The following PRDM15 variants were observed in gnomAD, a reference collection of about 807,000 sequenced individuals.
The protein encoded by PRDM15 is PR/SET domain 15, also known as PR domain zinc finger protein 15.
Under a neutral mutation model 128.6 loss-of-function variants are expected in PRDM15, and 64 were observed. The ratio of observed to expected loss-of-function variants is 0.50; its 90% CI spans 0.41 to 0.61. The LOEUF (loss-of-function observed/expected upper bound fraction) is 0.61, where lower values mean the gene tolerates loss of function less well. Ranked by LOEUF, PRDM15 falls within the 20% of genes least tolerant of loss-of-function variation. The pLI is 0.00. For synonymous variants in PRDM15, 615 were observed against 621.8 expected, an observed-to-expected ratio of 0.99 and a Z score of 0.16; for missense variants, 1,242 against 1,569.1, an observed-to-expected ratio of 0.79 and a Z score of 3.52.
chr21:41,849,305 T>C (rs1480984225), intron 5 of PRDM15, among the ~76,000 whole-genome samples: 3 of 152,202 alleles, frequency 2.0e-5, no homozygotes, highest in African/African-American at 7.2e-5. Flanking sequence ...CACTGGCTCA[T>C]GCCTGTAATC....
intron 1 of PRDM15, among the ~76,000 whole-genome samples, chr21:41,868,623 T>C (rs954537772): frequency 1.3e-5 from 2 of 152,136 alleles, no homozygotes; most frequent in Non-Finnish European, 2.9e-5. Flanking sequence ...GTAGGCCACA[T>C]GTATTAATAT....
At chr21:41,820,929 C>T in intron 16 of PRDM15, 138 bp downstream of exon 16, 1 of 1,124,160 alleles carries the variant, frequency 8.9e-7, no homozygotes, top group Non-Finnish European at 1.3e-6. Context: ...CCCTGCTGCG[C>T]CCCCAGCTCT....
Position 41,801,079 on chromosome 21 carries a change from C to A in PRDM15, c.*161G>T. The A allele has an allele frequency of 9.5e-7, 1 of 1,047,306 alleles. No individual in the cohort carries two copies. The highest frequency in any genetic ancestry group is 1.7e-5 in the South Asian group (1 of 57,240). 64.9% of individuals were successfully genotyped at this position (1,047,306 alleles called of 1,614,324 possible). On this transcript the variant is annotated 3_prime_UTR_variant, in exon 24 of 24. Coordinates refer to ENST00000398548, the MANE Select transcript of PRDM15 (RefSeq NM_001040424.3). ...CCCTTCTAGAGTTAAGCTGACAGAC[C>A]GTAATGGTTGCTGGCGGGGGATCTG...
Position 41,828,136 on chromosome 21 carries a change from C to A in PRDM15, c.1534+30G>T, listed in dbSNP as rs1187919676. 6.2e-7 allele frequency: 1 copy of A among 1,609,678 alleles called. No individual in the cohort carries two copies. Among genetic ancestry groups the A allele is most frequent in the African/African-American group, 1.3e-5 (1 of 74,992 alleles). On this transcript the variant is annotated intron_variant, in intron 12 of 23. Coordinates refer to ENST00000398548, the MANE Select transcript of PRDM15 (RefSeq NM_001040424.3). This position sits in a 1 kb window ranked among gnomAD's most constrained non-coding sequence, Gnocchi z 5.7. The stretch of plus-strand genomic sequence containing the variant: ...CCACCCCGCAGGAGCTGCCTCTCCC[C>A]GCCCGCAGCAGGTGCGCAGGCGGCC...
At chr21:41,803,108 T>C (rs1361313139) in intron 22 of PRDM15, 187 bp from the exon 23 acceptor site, 2 of 605,946 alleles carry the variant, frequency 3.3e-6, no homozygotes, top group Non-Finnish European at 5.9e-6. Flanking sequence ...GCAAGTTCCT[T>C]TAGTTGCAGA....
chr21:41,863,919 C>T (rs751070446), intron 1 of PRDM15, among the ~76,000 whole-genome samples: 2 of 151,944 alleles, frequency 1.3e-5, no homozygotes, highest in East Asian at 1.9e-4. Context: ...TCTCAGCTCA[C>T]GGCAACCTCC....
chr21:41,866,060 T>C (rs2063998015), intron 1 of PRDM15, among the ~76,000 whole-genome samples: 1 of 152,188 alleles, frequency 6.6e-6, no homozygotes, highest in African/African-American at 2.4e-5. Context: ...TCTTTAACCA[T>C]GAAAGACAGA....
In PRDM15 at chr21:41,821,948, C is replaced by T. The variant is rs549845892; in HGVS notation, c.1851G>A (p.Glu617=). 1.2e-6 allele frequency: 2 copies of T among 1,614,222 alleles called. No individual in the cohort carries two copies. Among genetic ancestry groups the T allele is most frequent in the Non-Finnish European group, 1.7e-6 (2 of 1,180,046 alleles). The part of the protein sequence containing the change: ...SSEENDDNSD[E]SADSEPHKYS... The stretch of plus-strand genomic sequence containing the variant: ...ACTTGTGAGGCTCCGAGTCTGCGCT[C>T]TCGTCAGAATTGTCATCGTTTTCTT... Residue 617 remains glutamate (E), a synonymous_variant, in exon 15 of 24, where the codon GAG becomes GAA. Coordinates refer to ENST00000398548, the MANE Select transcript of PRDM15 (RefSeq NM_001040424.3). The surrounding 1 kb of genome is among the most constrained non-coding windows in gnomAD (Gnocchi z 5.4).
chr21:41,867,313 A>C (rs557599667), intron 1 of PRDM15: 4 of 1,613,580 alleles, frequency 2.5e-6, no homozygotes, highest in South Asian at 2.2e-5. Flanking sequence ...CTCCGTTCGC[A>C]ATCTTCCCCA....
At position 41,820,087 on chromosome 21, in the gene PRDM15, A is replaced by T; in HGVS notation, c.2140+8T>A. 2 of 1,613,170 alleles carry T rather than the reference A, an allele frequency of 1.2e-6. No homozygotes were observed. The highest frequency in any genetic ancestry group is 2.2e-5 in the South Asian group (2 of 91,028). On this transcript the variant is annotated splice_region_variant and intron_variant, in intron 17 of 23. Coordinates refer to ENST00000398548, the MANE Select transcript of PRDM15 (RefSeq NM_001040424.3). ...GGGCCGGGACCCCAAATGCTGACAG[A>T]CACGCACCTGTGTGGATGAGCTTGT...
At chr21:41,824,585 AC>A (rs1185473760) in intron 13 of PRDM15, among the ~76,000 whole-genome samples, 2 of 152,166 alleles carry the variant, frequency 1.3e-5, no homozygotes, top group African/African-American at 4.8e-5. Context: ...TGGAGCCGGT[AC>A]CCCCCAAGGG....
At chr21:41,848,873 A>T (rs914320988) in intron 5 of PRDM15, among the ~76,000 whole-genome samples, 1 of 152,264 alleles carries the variant, frequency 6.6e-6, no homozygotes, top group Non-Finnish European at 1.5e-5. Context: ...AGAATTCTTA[A>T]GAAGAAAATA....
chr21:41,841,705 C>T (rs1601332858), intron 6 of PRDM15, among the ~76,000 whole-genome samples: 1 of 152,178 alleles, frequency 6.6e-6, no homozygotes, highest in Non-Finnish European at 1.5e-5. Context: ...TGTATATATA[C>T]TCTACTTGTT....
At chr21:41,846,099 A>G (rs528643339) in intron 6 of PRDM15, among the ~76,000 whole-genome samples, 11 of 152,296 alleles carry the variant, frequency 7.2e-5, no homozygotes, top group African/African-American at 2.6e-4. Flanking sequence ...CCAGGTAGCT[A>G]AAGTCTGCTG....
At chr21:41,826,341 C>T (rs1451167086) in intron 12 of PRDM15, among the ~76,000 whole-genome samples, 2 of 152,174 alleles carry the variant, frequency 1.3e-5, no homozygotes, top group African/African-American at 2.4e-5. Flanking sequence ...ATAATGGCAT[C>T]GAGTGCTAAA....
intron 3 of PRDM15, chr21:41,858,962 C>A: frequency 8.1e-7 from 1 of 1,230,688 alleles, no homozygotes; most frequent in East Asian, 2.6e-5. Context: ...ACCACAACCA[C>A]CCCACGGGAA....
intron 19 of PRDM15, among the ~76,000 whole-genome samples, chr21:41,815,206 G>A (rs946909900): frequency 2.6e-5 from 4 of 152,164 alleles, no homozygotes; most frequent in Admixed American, 6.5e-5. Flanking sequence ...TTGACCTGTC[G>A]CGTCACCGAC....
At chr21:41,867,505 G>T in intron 1 of PRDM15, 1 of 693,644 alleles carries the variant, frequency 1.4e-6, no homozygotes, top group Non-Finnish European at 2.4e-6. Context: ...TTTCACAGGC[G>T]TGAACATAGC....
chr21:41,806,424 CCATCACCACCACCA>C (rs2061636767), intron 21 of PRDM15, among the ~76,000 whole-genome samples: 26 of 42,222 alleles, frequency 6.2e-4, no homozygotes, highest in African/African-American at 2.1e-3. Flanking sequence ...ACCACCACCA[CCATCACCACCACCA>C]CCATCACCAC....
Sources: gnomAD v4.1 joint callset for allele counts (sites outside exome capture counted in the v4.1 genomes callset) on GRCh38, gnomAD v4.1.1 for gene constraint, Gnocchi (gnomAD v3.1) non-coding constraint, MANE v1.5 for transcripts, NCBI Gene and HGNC (gene_info 2026-07-23, HGNC 2026-07-21) for gene names.